MEGF11: variants seen among roughly 807,000 people sequenced by gnomAD.
MEGF11 encodes the protein multiple EGF like domains 11.
MEGF11 carries 126 observed loss-of-function variants against 146.6 expected under a neutral mutation model. The ratio of observed to expected loss-of-function variants is 0.86; its 90% CI spans 0.74 to 1.00. The LOEUF (loss-of-function observed/expected upper bound fraction) is 1.00. MEGF11 is among the 50% of genes least tolerant of loss of function. The pLI is 0.00. For missense variants in MEGF11, 1,509 were observed against 1,521.2 expected (o/e 0.99, Z 0.13); for synonymous variants, 532 against 583.4 (o/e 0.91, Z 1.27).
intron 5 of MEGF11, among the ~76,000 whole-genome samples, chr15:65,983,342 C>T (rs897804158): frequency 6.6e-6 from 1 of 152,174 alleles, no homozygotes; most frequent in Non-Finnish European, 1.5e-5. Context: ...TGGAAAGGGG[C>T]TGAGTAGCAG....
At chr15:66,162,245 T>C (rs1371464106) in intron 1 of MEGF11, among the ~76,000 whole-genome samples, 1 of 151,958 alleles carries the variant, frequency 6.6e-6, no homozygotes, top group Non-Finnish European at 1.5e-5. Context: ...AAAAAGAGAG[T>C]GGCCCGATGG....
intron 5 of MEGF11, among the ~76,000 whole-genome samples, chr15:66,014,134 G>A (rs746077542): frequency 5.9e-5 from 9 of 152,214 alleles, no homozygotes; most frequent in Admixed American, 2.0e-4. Flanking sequence ...AACAAAGGCA[G>A]TAGTGATGGG....
intron 5 of MEGF11, among the ~76,000 whole-genome samples, chr15:65,983,286 G>A (rs146538324): frequency 1.3e-5 from 2 of 152,296 alleles, no homozygotes; most frequent in East Asian, 3.9e-4. Flanking sequence ...ATGTTTCAAA[G>A]AGAGATAGCT....
At chr15:65,919,974 A>G (rs1323158062) in intron 15 of MEGF11, among the ~76,000 whole-genome samples, 1 of 152,176 alleles carries the variant, frequency 6.6e-6, no homozygotes, top group African/African-American at 2.4e-5. Context: ...GTGAAGCACA[A>G]TAAAACAAGG....
At chr15:66,068,150 T>C (rs1034265551) in intron 5 of MEGF11, among the ~76,000 whole-genome samples, 4 of 152,212 alleles carry the variant, frequency 2.6e-5, no homozygotes, top group South Asian at 2.1e-4. Flanking sequence ...TAACTCTTAT[T>C]ATCATTATTC....
At chr15:66,160,220 A>G (rs2089900447) in intron 1 of MEGF11, among the ~76,000 whole-genome samples, 1 of 149,804 alleles carries the variant, frequency 6.7e-6, no homozygotes, top group Admixed American at 6.7e-5. Context: ...AAACAAAAGG[A>G]CAAAGCCTCC....
intron 5 of MEGF11, among the ~76,000 whole-genome samples, chr15:65,994,239 C>A (rs945236408): frequency 5.3e-5 from 8 of 152,192 alleles, no homozygotes; most frequent in African/African-American, 2.4e-5. Context: ...CTTTCTTTTC[C>A]ATCACCCACT....
chr15:65,928,232 C>T (rs2079443256), intron 13 of MEGF11, among the ~76,000 whole-genome samples, 193 bp downstream of exon 13: 1 of 152,024 alleles, frequency 6.6e-6, no homozygotes, highest in Admixed American at 6.5e-5. Flanking sequence ...AGAGCTTATA[C>T]CTAATAGATG....
intron 13 of MEGF11, among the ~76,000 whole-genome samples, chr15:65,925,605 C>T (rs570687150): frequency 1.3e-5 from 2 of 152,266 alleles, no homozygotes; most frequent in South Asian, 4.1e-4. Context: ...CCTTCCTGGG[C>T]CCCAGTTTTC....
chr15:65,961,447 T>C (rs72742835), intron 9 of MEGF11, among the ~76,000 whole-genome samples: 16,097 of 152,252 alleles, frequency 0.11, 1,120 homozygotes, highest in Middle Eastern at 0.2. Context: ...AAATCAAATC[T>C]TTCAAAGGTA....
At chr15:65,939,805 C>A (rs1444610844) in intron 10 of MEGF11, among the ~76,000 whole-genome samples, 1 of 152,214 alleles carries the variant, frequency 6.6e-6, no homozygotes, top group South Asian at 2.1e-4. Flanking sequence ...CTTTAACTCT[C>A]CCCCAGCCCT....
At chr15:66,134,171 T>A (rs2088783162) in intron 1 of MEGF11, among the ~76,000 whole-genome samples, 1 of 152,012 alleles carries the variant, frequency 6.6e-6, no homozygotes, top group Non-Finnish European at 1.5e-5. Context: ...AATCACAGCC[T>A]ACCCTGGAGC....
Position 65,909,079 on chromosome 15 carries a change from T to A in MEGF11, c.2953A>T (p.Ile985Phe), listed in dbSNP as rs1415557452. The stretch of plus-strand genomic sequence containing the variant: ...GGGCGGCTGAGGTGTCTAAGTTCAA[T>A]GTAGAAGTCCTCGGGCGGGTACCTG... ...EARYPPEDFY[I>F]ELRHLSRPAE... Residue 985 changes from isoleucine (I) to phenylalanine (F), a missense_variant, in exon 23 of 26, where the codon ATT becomes TTT. Ile to Phe is a conservative substitution (Grantham distance 21, BLOSUM62 0). Coordinates refer to ENST00000395614, the MANE Select transcript of MEGF11 (RefSeq NM_001385028.1). 2 of 1,535,308 alleles carry A rather than the reference T, an allele frequency of 1.3e-6. No homozygotes were observed. The highest frequency in any genetic ancestry group is 1.7e-6 in the Non-Finnish European group (2 of 1,146,672).
At chr15:65,914,071 G>T in intron 19 of MEGF11, 98 bp from the exon 20 acceptor site, 1 of 908,182 alleles carries the variant, frequency 1.1e-6, no homozygotes, top group South Asian at 1.5e-5. Flanking sequence ...CTAATGTTAG[G>T]AGATCTGGTT....
chr15:66,034,951 G>A (rs1194765242), intron 5 of MEGF11, among the ~76,000 whole-genome samples: 1 of 152,122 alleles, frequency 6.6e-6, no homozygotes, highest in African/African-American at 2.4e-5. Flanking sequence ...CTTGTCATGT[G>A]ATGCCCTCTG....
At chr15:65,945,872 G>C (rs2080174546) in intron 10 of MEGF11, among the ~76,000 whole-genome samples, 1 of 152,174 alleles carries the variant, frequency 6.6e-6, no homozygotes, top group Non-Finnish European at 1.5e-5. Context: ...CACAGGCAGG[G>C]GCAGGCGGGC....
intron 10 of MEGF11, among the ~76,000 whole-genome samples, chr15:65,944,708 A>G (rs2080127052): frequency 6.6e-6 from 1 of 152,124 alleles, no homozygotes; most frequent in Non-Finnish European, 1.5e-5. Context: ...GGCAAATCCA[A>G]TTGCTTATTG....
chr15:65,963,747 G>C (rs935885357), intron 9 of MEGF11, among the ~76,000 whole-genome samples: 1 of 152,166 alleles, frequency 6.6e-6, no homozygotes, highest in Non-Finnish European at 1.5e-5. Context: ...TCTCTTTCCC[G>C]GGCCTTCCAC....
At chr15:66,245,739 A>G (rs1030535236) in intron 1 of MEGF11, among the ~76,000 whole-genome samples, 4 of 152,096 alleles carry the variant, frequency 2.6e-5, no homozygotes, top group African/African-American at 9.7e-5. Flanking sequence ...TGGATTCCGG[A>G]CTCATTGCAG....
Sources: gnomAD v4.1 joint callset for allele counts (sites outside exome capture counted in the v4.1 genomes callset) on GRCh38, gnomAD v4.1.1 for gene constraint, MANE v1.5 for transcripts, NCBI Gene and HGNC (gene_info 2026-07-23, HGNC 2026-07-21) for gene names.